FHIT: variants seen among roughly 807,000 people sequenced by gnomAD.
FHIT encodes fragile histidine triad diadenosine triphosphatase.
FHIT carries 19 observed loss-of-function variants against 17.9 expected under a neutral mutation model. The observed-to-expected ratio is 1.06, with a 90% CI of 0.74 to 1.56. The LOEUF (loss-of-function observed/expected upper bound fraction) is 1.56, where lower values mean the gene tolerates loss of function less well. Ranked by LOEUF, FHIT falls within the 40% of genes most tolerant of loss-of-function variation. The pLI, the probability that FHIT is intolerant of heterozygous loss-of-function variation, is 0.00. For synonymous variants in FHIT, 81 were observed against 69.7 expected, an observed-to-expected ratio of 1.16 and a Z score of -0.81; for missense variants, 248 against 189.2, an observed-to-expected ratio of 1.31 and a Z score of -1.82.
intron 3 of FHIT, among the ~76,000 whole-genome samples, chr3:60,935,388 T>C (rs982244351): frequency 1.1e-4 from 17 of 152,124 alleles, no homozygotes; most frequent in African/African-American, 3.9e-4. Context: ...AACAGAGTAA[T>C]GATACAAAAA....
chr3:60,928,713 G>A (rs1707788443), intron 3 of FHIT, among the ~76,000 whole-genome samples: 1 of 151,948 alleles, frequency 6.6e-6, no homozygotes, highest in South Asian at 2.1e-4. Flanking sequence ...CTGAAATTGA[G>A]GCAACAATTA....
intron 4 of FHIT, among the ~76,000 whole-genome samples, chr3:60,752,601 T>G (rs2042490781): frequency 6.6e-6 from 1 of 152,214 alleles, no homozygotes; most frequent in South Asian, 2.1e-4. Context: ...CCCACAACCC[T>G]GGATACATTC....
At chr3:60,188,089 T>C (rs73831986) in intron 5 of FHIT, among the ~76,000 whole-genome samples, 1,693 of 152,022 alleles carry the variant, frequency 0.011, 29 homozygotes, top group African/African-American at 0.039. Context: ...ACTAATGATA[T>C]GACTTGGACC....
intron 5 of FHIT, among the ~76,000 whole-genome samples, chr3:60,502,127 G>A (rs1284412817): frequency 6.6e-6 from 1 of 152,216 alleles, no homozygotes; most frequent in African/African-American, 2.4e-5. Context: ...AAAAGTGATA[G>A]TAGTTATCAC....
chr3:59,788,881 G>GTTTTTTTTT lies in FHIT; in HGVS notation c.349-36569_349-36561dup, dbSNP rs60361063. On this transcript the variant is annotated intron_variant, in intron 8 of 9. Coordinates refer to ENST00000492590, the MANE Select transcript of FHIT (RefSeq NM_002012.4). ...ACCACGTTCTTTGCTGAGTTCATAT[G>GTTTTTTTTT]TTTTTTTTTTTTACCCCATCTCCAA... is the stretch of plus-strand genomic sequence containing the variant. Among the ~76,000 whole-genome samples, 189 of 86,836 alleles carry GTTTTTTTTT rather than the reference G, an allele frequency of 2.2e-3. 25 individuals are homozygous for GTTTTTTTTT. Among genetic ancestry groups the GTTTTTTTTT allele is most frequent in the African/African-American group, 6.8e-3 (149 of 21,858 alleles). The allele number at this position is 86,836 out of a possible 152,430, so 57.0% of individuals were successfully genotyped here.
At chr3:59,906,692 C>T (rs916065473) in intron 8 of FHIT, among the ~76,000 whole-genome samples, 1 of 152,148 alleles carries the variant, frequency 6.6e-6, no homozygotes, top group South Asian at 2.1e-4. Context: ...TAAAAAATTT[C>T]CAAAGATATT....
rs1288193473 is a variant in FHIT at position 60,154,234 on chromosome 3, A to C, written c.104-140082T>G. On this transcript the variant is annotated intron_variant, in intron 5 of 9. Coordinates refer to ENST00000492590, the MANE Select transcript of FHIT (RefSeq NM_002012.4). The stretch of plus-strand genomic sequence containing the variant: ...TTTCACTCATGCAAAAATTCAAAAA[A>C]TTACAACCTCCGGCATATATGAGTC... Among the ~76,000 whole-genome samples, 8 of 152,232 alleles carry C rather than the reference A, an allele frequency of 5.3e-5. No homozygotes were observed. In the East Asian group the frequency reaches 1.5e-3, roughly 29 times the overall value.
chr3:60,182,015 G>A (rs1460346298), intron 5 of FHIT, among the ~76,000 whole-genome samples: 1 of 152,172 alleles, frequency 6.6e-6, no homozygotes, highest in Non-Finnish European at 1.5e-5. Flanking sequence ...TTAATTATAT[G>A]CTAAGTAAGA....
intron 3 of FHIT, among the ~76,000 whole-genome samples, chr3:61,004,063 G>C (rs1438911006): frequency 6.6e-6 from 1 of 151,908 alleles, no homozygotes; most frequent in Non-Finnish European, 1.5e-5. Context: ...TTGTGTTGAG[G>C]GCACCGAGAC....
At chr3:59,980,641 A>T (rs986155475) in intron 7 of FHIT, among the ~76,000 whole-genome samples, 1 of 152,152 alleles carries the variant, frequency 6.6e-6, no homozygotes, top group African/African-American at 2.4e-5. Flanking sequence ...CAGGCCAAGG[A>T]TAGCTTGTCC....
chr3:60,369,145 T>C (rs1700225228), intron 5 of FHIT, among the ~76,000 whole-genome samples: 1 of 150,208 alleles, frequency 6.7e-6, no homozygotes, highest in Non-Finnish European at 1.5e-5. Flanking sequence ...GCTAATTTTT[T>C]TATTTTTTGT....
At chr3:59,983,572 C>CA (rs1230488325) in intron 7 of FHIT, among the ~76,000 whole-genome samples, 1 of 152,050 alleles carries the variant, frequency 6.6e-6, no homozygotes. Flanking sequence ...AAAAACAGTA[C>CA]AAACAGAATT....
intron 5 of FHIT, among the ~76,000 whole-genome samples, chr3:60,381,454 G>T (rs923721867): frequency 2.6e-5 from 4 of 151,060 alleles, no homozygotes; most frequent in African/African-American, 9.7e-5. Context: ...CTCCAGCCTG[G>T]GCAACAAGAG....
At chr3:60,785,934 C>CACAGAGAGAGAGAG (rs139392863) in intron 4 of FHIT, among the ~76,000 whole-genome samples, 4 of 137,892 alleles carry the variant, frequency 2.9e-5, no homozygotes, top group African/African-American at 1.1e-4. Context: ...CACACACACA[C>CACAGAGAGAGAGAG]AGAGAGAGTA....
chr3:59,965,952 T>C (rs1707906877), intron 7 of FHIT, among the ~76,000 whole-genome samples: 1 of 152,126 alleles, frequency 6.6e-6, no homozygotes, highest in African/African-American at 2.4e-5. Flanking sequence ...CTAGGGAGTA[T>C]GTCACCGTCT....
At chr3:60,511,373 C>T (rs17063396) in intron 5 of FHIT, among the ~76,000 whole-genome samples, 8,511 of 152,118 alleles carry the variant, frequency 0.056, 491 homozygotes, top group East Asian at 0.25. Context: ...AGACAAACAT[C>T]GCTTTATGTG....
chr3:59,779,090 G>A (rs116414079), intron 8 of FHIT, among the ~76,000 whole-genome samples: 1,625 of 152,278 alleles, frequency 0.011, 30 homozygotes, highest in African/African-American at 0.037. Flanking sequence ...CTAATAGCTT[G>A]GCATTACCCT....
At chr3:60,370,620 A>G (rs1700287338) in intron 5 of FHIT, among the ~76,000 whole-genome samples, 1 of 152,054 alleles carries the variant, frequency 6.6e-6, no homozygotes, top group Non-Finnish European at 1.5e-5. Context: ...AGGTGGACTT[A>G]TACCCCTCTT....
chr3:60,823,751 TAC>T (rs1553740061), intron 3 of FHIT, among the ~76,000 whole-genome samples: 3 of 152,180 alleles, frequency 2.0e-5, no homozygotes, highest in African/African-American at 7.2e-5. Context: ...AGGAAATCAA[TAC>T]AGTGTGTTTG....
Sources: gnomAD v4.1 joint callset for allele counts (sites outside exome capture counted in the v4.1 genomes callset) on GRCh38, gnomAD v4.1.1 for gene constraint, MANE v1.5 for transcripts, NCBI Gene and HGNC (gene_info 2026-07-23, HGNC 2026-07-21) for gene names.